Variants in ABCC1 observed in about 807,000 individuals in gnomAD.
The protein encoded by ABCC1 is ATP binding cassette subfamily C member 1 (ABCC1 blood group), also known as multidrug resistance-associated protein 1.
Under a neutral mutation model 172.9 loss-of-function variants are expected in ABCC1, and 83 were observed. The ratio of observed to expected loss-of-function variants is 0.48; its 90% CI spans 0.40 to 0.58. ABCC1 has a LOEUF of 0.58. ABCC1 is among the 20% of genes least tolerant of loss of function. The pLI, the probability that ABCC1 is intolerant of heterozygous loss-of-function variation, is 0.00. For synonymous variants in ABCC1, 937 were observed against 825.2 expected, an observed-to-expected ratio of 1.14 and a Z score of -2.32; for missense variants, 1,817 against 2,002.7, an observed-to-expected ratio of 0.91 and a Z score of 1.77.
intron 1 of ABCC1, among the ~76,000 whole-genome samples, chr16:15,968,527 C>G (rs1453933233): frequency 6.6e-6 from 1 of 151,856 alleles, no homozygotes; most frequent in African/African-American, 2.4e-5. Context: ...CAGGCATGCA[C>G]CACTATGTCT....
intron 3 of ABCC1, among the ~76,000 whole-genome samples, chr16:16,010,575 C>T (rs546238928): frequency 3.0e-4 from 46 of 152,276 alleles, no homozygotes; most frequent in African/African-American, 1.0e-3. Context: ...AAATAGGAAA[C>T]TGCTCTGTCC....
intron 1 of ABCC1, among the ~76,000 whole-genome samples, chr16:16,000,540 C>T (rs545450272): frequency 5.3e-5 from 8 of 152,318 alleles, no homozygotes; most frequent in African/African-American, 1.4e-4. Flanking sequence ...TTTGAATCTA[C>T]ATCTGCTCAA....
At chr16:16,036,440 C>A (rs1477531780) in intron 6 of ABCC1, 32 bp from the exon 7 acceptor site, 1 of 1,597,568 alleles carries the variant, frequency 6.3e-7, no homozygotes. Context: ...CATTGACTCT[C>A]ATTGCCTAAC....
intron 28 of ABCC1, among the ~76,000 whole-genome samples, chr16:16,136,270 C>T (rs752965953): frequency 2.6e-5 from 4 of 152,098 alleles, no homozygotes; most frequent in East Asian, 1.9e-4. Context: ...GTGATCCACT[C>T]GCCTCGGCCT....
Position 16,141,443 on chromosome 16 carries a change from C to T in ABCC1, c.*162C>T, listed in dbSNP as rs919224705. On this transcript the variant is annotated 3_prime_UTR_variant, in exon 31 of 31. Transcript: ENST00000399410. ...ATTCAAAGCAGCAGCCACCGCCATC[C>T]GGTCCCCTGCCTGGAACTGGCTGTG... is the stretch of plus-strand genomic sequence containing the variant. The T allele has an allele frequency of 6.9e-5, 44 of 636,206 alleles. No individual in the cohort carries two copies. The highest frequency in any genetic ancestry group is 6.0e-4 in the African/African-American group (33 of 54,656). The allele number at this position is 636,206 out of a possible 1,614,324, so 39.4% of individuals were successfully genotyped here. A position where few individuals can be genotyped will look rare whatever the true frequency, so the allele number is the denominator to read the frequency against.
At position 16,001,473 on chromosome 16, in the gene ABCC1, T is replaced by A. The variant is rs542902667; in HGVS notation, c.49-6343T>A. ...CCTCGGCCTCCCAAAGTGCTGGGATTACAAGCGTGAGCCACCGCGCCCAGC... is the reference window on the plus strand; with the variant it reads ...CCTCGGCCTCCCAAAGTGCTGGGATAACAAGCGTGAGCCACCGCGCCCAGC... On this transcript the variant is annotated intron_variant, in intron 1 of 30. Transcript: ENST00000399410. Among the ~76,000 whole-genome samples the A allele has an allele frequency of 3.5e-3, 537 of 152,214 alleles. 2 individuals are homozygous for A. Among genetic ancestry groups the A allele is most frequent in the Non-Finnish European group, 6.6e-3 (447 of 68,004 alleles).
intron 1 of ABCC1, among the ~76,000 whole-genome samples, chr16:15,982,343 C>T (rs2046641046): frequency 3.9e-5 from 6 of 152,032 alleles, no homozygotes; most frequent in Admixed American, 3.9e-4. Flanking sequence ...GCCCACAGTT[C>T]TGCAGGGCTG....
chr16:15,966,393 CAG>C lies in ABCC1; in HGVS notation c.48+16600_48+16601del, dbSNP rs1044919047. ...TGCCACTGCACTCCAGCCTGGGTGA[CAG>C]AGAGACTTTATCTTAAAAAAAAAAA... is the stretch of plus-strand genomic sequence containing the variant. On this transcript the variant is annotated intron_variant, in intron 1 of 30. Transcript: ENST00000399410. Among the ~76,000 whole-genome samples, 10 of 135,666 alleles carry C rather than the reference CAG, an allele frequency of 7.4e-5. No individual in the cohort carries two copies. The Middle Eastern group carries it at 0.022, about 293-fold the overall frequency. The allele number at this position is 135,666 out of a possible 152,430, so 89.0% of individuals were successfully genotyped here. A position where few individuals can be genotyped will look rare whatever the true frequency, so the allele number is the denominator to read the frequency against.
At chr16:16,139,330 G>T (rs2046039249) in intron 30 of ABCC1, among the ~76,000 whole-genome samples, 2 of 151,952 alleles carry the variant, frequency 1.3e-5, no homozygotes, top group South Asian at 4.2e-4. Flanking sequence ...ATCAGAAGCA[G>T]GCCAGGTGCG....
intron 1 of ABCC1, among the ~76,000 whole-genome samples, chr16:15,987,166 GA>G (rs1297971517): frequency 6.6e-6 from 1 of 152,134 alleles, no homozygotes; most frequent in Non-Finnish European, 1.5e-5. Context: ...CCCTGTGTCA[GA>G]AAAAGAGAGA....
intron 5 of ABCC1, among the ~76,000 whole-genome samples, chr16:16,031,187 A>G (rs1049746740): frequency 6.6e-6 from 1 of 152,178 alleles, no homozygotes. Flanking sequence ...CCAGCCTTGA[A>G]TGGAAAACCA....
intron 23 of ABCC1, 60 bp downstream of exon 23, chr16:16,115,136 A>G: frequency 1.3e-6 from 2 of 1,524,008 alleles, no homozygotes; most frequent in East Asian, 4.6e-5. Flanking sequence ...TACCAGTGTT[A>G]CCTAAAGCCT....
At chr16:16,050,729 CAAAAAAAAAAA>C (rs35207136) in intron 10 of ABCC1, among the ~76,000 whole-genome samples, 63 of 66,580 alleles carry the variant, frequency 9.5e-4, no homozygotes, top group African/African-American at 3.3e-3. Flanking sequence ...CCTGTCTCTA[CAAAAAAAAAAA>C]AAAAAAAAAA....
rs1320685281 is a variant in ABCC1 at position 16,142,317 on chromosome 16, GTTGA to G, written c.*1043_*1046del. 1 of 152,212 alleles carries G rather than the reference GTTGA, an allele frequency of 6.6e-6. No individual in the cohort carries two copies. Among genetic ancestry groups the G allele is most frequent in the Non-Finnish European group, 1.5e-5 (1 of 68,054 alleles). 9.4% of individuals were successfully genotyped at this position (152,212 alleles called of 1,614,324 possible). A position where few individuals can be genotyped will look rare whatever the true frequency, so the allele number is the denominator to read the frequency against. On this transcript the variant is annotated 3_prime_UTR_variant, in exon 31 of 31. Coordinates refer to ENST00000399410, the MANE Select transcript of ABCC1 (RefSeq NM_004996.4). ...CAAAGCAGTGTTGGTTGCTTACAGT[GTTGA>G]TTGATTTTGTTCTTTTTTCTTACCA...
rs142120126 is a variant in ABCC1, at chr16:16,013,492, A to G, written c.352-999A>G. On this transcript the variant is annotated intron_variant, in intron 3 of 30. Coordinates refer to ENST00000399410, the MANE Select transcript of ABCC1 (RefSeq NM_004996.4). The stretch of plus-strand genomic sequence containing the variant: ...CACCATGTTGGCCAGGCTGGTCTCA[A>G]ACTCCTGACCTGCCCGCCTTGGCCT... 1.2e-3 allele frequency among the ~76,000 whole-genome samples: 186 copies of G among 151,814 alleles called. 2 individuals carry two copies. In the East Asian group the frequency reaches 0.027, roughly 22 times the overall value.
Position 16,083,536 on chromosome 16 carries a change from C to T in ABCC1, c.2286C>T (p.Gly762=), listed in dbSNP as rs201247127. The T allele has an allele frequency of 2.5e-4, 398 of 1,612,668 alleles. No individual in the cohort carries two copies. The African/African-American group carries it at 4.3e-3, about 17-fold the overall frequency. ...CCAGTGGGGATCGGACAGAGATTGG[C>T]GAGAAGGTCAGTATAGGTTGGATGT... The part of the protein sequence containing the change: ...ILPSGDRTEI[G]EKGVNLSGGQ... The change falls in exon 17 of 31, where the codon GGC becomes GGT. Residue 762 remains glycine (G), a synonymous_variant. Transcript: ENST00000399410.
chr16:15,995,977 GTTTTTTTTTTTTT>G (rs565769136), intron 1 of ABCC1, among the ~76,000 whole-genome samples: 2 of 98,604 alleles, frequency 2.0e-5, no homozygotes, highest in African/African-American at 4.3e-5. Context: ...GCCCAGCTAA[GTTTTTTTTTTTTT>G]TTTTTTTTTT....
rs377243541 is a variant in ABCC1, at chr16:16,068,166, G to C, written c.1688G>C (p.Cys563Ser). 1.9e-6 allele frequency: 3 copies of C among 1,614,108 alleles called. No individual in the cohort carries two copies. ...GCGTTCTGCTTGCAGGTGGCCTTGT[G>C]CACATTTGCCGTCTACGTGACCATT... ...WVCTPFLVAL[C>S]TFAVYVTIDE... The change falls in exon 13 of 31, where the codon TGC (cysteine) becomes TCC (serine). Residue 563 changes from cysteine (C) to serine (S), a missense_variant. Physicochemically the swap from Cys to Ser is moderately radical, Grantham distance 112 (BLOSUM62 -1). Transcript: ENST00000399410.
intron 12 of ABCC1, among the ~76,000 whole-genome samples, chr16:16,059,047 A>G (rs1318593712): frequency 6.6e-6 from 1 of 151,748 alleles, no homozygotes; most frequent in African/African-American, 2.4e-5. Flanking sequence ...TTGCTTTCCT[A>G]ACATATCCCT....
Sources: allele counts gnomAD v4.1 joint callset (sites outside exome capture counted in the v4.1 genomes callset), GRCh38; gene constraint gnomAD v4.1.1; transcripts MANE v1.5; gene names NCBI Gene and HGNC (gene_info 2026-07-23, HGNC 2026-07-21).